LRMDA: variants seen among roughly 807,000 people sequenced by gnomAD.
The protein encoded by LRMDA is leucine rich melanocyte differentiation associated, also known as leucine-rich melanocyte differentiation-associated protein.
In LRMDA, 18 loss-of-function variants were observed where a neutral mutation model predicts 29.8. The ratio of observed to expected loss-of-function variants is 0.60; its 90% CI spans 0.42 to 0.90. The LOEUF is 0.90. Ranked by LOEUF, LRMDA falls within the 40% of genes least tolerant of loss-of-function variation. The probability of loss-of-function intolerance (pLI) is 0.00; values close to 1 mark genes in which losing one functional copy is unlikely to be tolerated. For missense variants in LRMDA, 273 were observed against 273.9 expected, an observed-to-expected ratio of 1.00 and a Z score of 0.02; for synonymous variants, 125 against 109.4, an observed-to-expected ratio of 1.14 and a Z score of -0.89.
At chr10:75,815,590 T>C (rs1844044488) in intron 2 of LRMDA, among the ~76,000 whole-genome samples, 1 of 152,182 alleles carries the variant, frequency 6.6e-6, no homozygotes, top group Admixed American at 6.5e-5. Context: ...TAAAGCCTTT[T>C]ATTGAGAAAG....
intron 2 of LRMDA, among the ~76,000 whole-genome samples, chr10:75,994,529 A>G (rs560244452): frequency 6.6e-6 from 1 of 152,262 alleles, no homozygotes; most frequent in Admixed American, 6.5e-5. Context: ...CTGCGAGAAC[A>G]TTCCTTAGGT....
intron 5 of LRMDA, among the ~76,000 whole-genome samples, chr10:76,127,388 A>T (rs536912549): frequency 6.6e-6 from 1 of 152,336 alleles, no homozygotes; most frequent in East Asian, 1.9e-4. Flanking sequence ...CCTGCGAAAT[A>T]TACTGGCTGC....
intron 5 of LRMDA, among the ~76,000 whole-genome samples, chr10:76,242,956 A>T (rs956570660): frequency 2.0e-5 from 3 of 152,162 alleles, no homozygotes; most frequent in African/African-American, 7.2e-5. Context: ...CAGCTCTTCC[A>T]CGTTTAGACC....
chr10:76,083,362 T>G (rs964880630), intron 5 of LRMDA, among the ~76,000 whole-genome samples: 3 of 152,188 alleles, frequency 2.0e-5, no homozygotes, highest in Non-Finnish European at 4.4e-5. Flanking sequence ...GTCAAGACTT[T>G]ACTGCCTCCT....
intron 6 of LRMDA, among the ~76,000 whole-genome samples, chr10:76,439,127 T>C (rs1564541962): frequency 6.6e-6 from 1 of 152,214 alleles, no homozygotes; most frequent in Admixed American, 6.5e-5. Context: ...TTTACCTAAA[T>C]TAAATTTGAA....
In LRMDA at chr10:76,393,884, TCA is replaced by T. The variant is rs1352985349; in HGVS notation, c.601+69400_601+69401del. On this transcript the variant is annotated intron_variant, in intron 6 of 6. Transcript: ENST00000611255. ...AATTTTTTTCTTCTGTTGTGGATAT[TCA>T]GTTTTCCCAACATTGTTTATTGAGG... Among the ~76,000 whole-genome samples, 16 of 152,282 alleles carry T rather than the reference TCA, an allele frequency of 1.1e-4. 1 individual carries two copies. The highest frequency in any genetic ancestry group is 3.8e-4 in the African/African-American group (16 of 41,582).
chr10:75,692,349 G>A (rs188739972), intron 2 of LRMDA, among the ~76,000 whole-genome samples: 1 of 144,638 alleles, frequency 6.9e-6, no homozygotes, highest in African/African-American at 2.5e-5. Flanking sequence ...ATGTATTGAT[G>A]GAATAGGCCA....
intron 2 of LRMDA, among the ~76,000 whole-genome samples, chr10:75,569,897 G>C (rs1312669760): frequency 6.6e-6 from 1 of 152,218 alleles, no homozygotes; most frequent in East Asian, 1.9e-4. Flanking sequence ...CATATATGGA[G>C]GCAGTTTTGT....
chr10:75,697,850 T>TGTGTGTGTGTGTGTGTGTGTGCGC (rs10664076), intron 2 of LRMDA, among the ~76,000 whole-genome samples: 6 of 151,704 alleles, frequency 4.0e-5, no homozygotes, highest in African/African-American at 1.2e-4. Flanking sequence ...TGTGTGTGTG[T>TGTGTGTGTGTGTGTGTGTGTGCGC]GCGTGTGTGT....
intron 2 of LRMDA, among the ~76,000 whole-genome samples, chr10:76,024,775 C>A (rs898217413): frequency 1.3e-5 from 2 of 152,188 alleles, no homozygotes; most frequent in African/African-American, 4.8e-5. Flanking sequence ...TGAGTAGACA[C>A]CATCTGTTGA....
chr10:76,479,556 G>C (rs1270171393), intron 6 of LRMDA, among the ~76,000 whole-genome samples: 1 of 151,838 alleles, frequency 6.6e-6, no homozygotes, highest in East Asian at 2.0e-4. Context: ...GCAGAGCACA[G>C]GGCAGCCCTG....
At chr10:75,860,958 C>T (rs959787572) in intron 2 of LRMDA, among the ~76,000 whole-genome samples, 4 of 152,172 alleles carry the variant, frequency 2.6e-5, no homozygotes, top group Middle Eastern at 3.2e-3. Flanking sequence ...ATTGACCTCT[C>T]AGGATGGTTC....
chr10:76,177,205 C>T (rs1850952849), intron 5 of LRMDA, among the ~76,000 whole-genome samples: 1 of 152,220 alleles, frequency 6.6e-6, no homozygotes, highest in Non-Finnish European at 1.5e-5. Context: ...CTGCCAAGTA[C>T]TTTTCCTTGC....
intron 5 of LRMDA, among the ~76,000 whole-genome samples, chr10:76,142,359 T>C (rs1489089714): frequency 6.6e-6 from 1 of 152,148 alleles, no homozygotes; most frequent in African/African-American, 2.4e-5. Context: ...TGTTTTTCTG[T>C]GTGGTCCTCT....
At chr10:75,677,409 G>A (rs1201548673) in intron 2 of LRMDA, among the ~76,000 whole-genome samples, 1 of 152,022 alleles carries the variant, frequency 6.6e-6, no homozygotes, top group Non-Finnish European at 1.5e-5. Flanking sequence ...GGCACACACA[G>A]AGATGAATCA....
intron 6 of LRMDA, among the ~76,000 whole-genome samples, chr10:76,543,025 G>T (rs908721419): frequency 1.3e-5 from 2 of 152,164 alleles, no homozygotes; most frequent in African/African-American, 4.8e-5. Flanking sequence ...GGTGCGCAGG[G>T]TGTGTGCTTA....
intron 5 of LRMDA, among the ~76,000 whole-genome samples, chr10:76,205,922 G>T (rs11818162): frequency 6.6e-6 from 1 of 152,076 alleles, no homozygotes; most frequent in East Asian, 1.9e-4. Flanking sequence ...ATGCAGAATC[G>T]TTGAGGCCAC....
At chr10:76,240,210 C>A (rs991818583) in intron 5 of LRMDA, among the ~76,000 whole-genome samples, 2 of 149,288 alleles carry the variant, frequency 1.3e-5, no homozygotes, top group African/African-American at 2.5e-5. Context: ...CACACACACA[C>A]CACACACACA....
intron 5 of LRMDA, among the ~76,000 whole-genome samples, chr10:76,092,797 C>T (rs1333488865): frequency 1.3e-5 from 2 of 152,158 alleles, no homozygotes; most frequent in Non-Finnish European, 2.9e-5. Flanking sequence ...GGAAGTTGTG[C>T]AGGGCCCAAT....
Sources: allele counts gnomAD v4.1 joint callset (sites outside exome capture counted in the v4.1 genomes callset), GRCh38; gene constraint gnomAD v4.1.1; transcripts MANE v1.5; gene names NCBI Gene and HGNC (gene_info 2026-07-23, HGNC 2026-07-21).